The following ELOVL2 variants were observed in gnomAD, a reference collection of about 807,000 sequenced individuals.
ELOVL2 encodes very long chain fatty acid elongase 2.
A neutral mutation model predicts 37.7 loss-of-function variants in ELOVL2; 38 were observed. The observed-to-expected ratio is 1.01, with a 90% CI of 0.78 to 1.32. The LOEUF is 1.32. Among genes scored for constraint, ELOVL2 ranks in the 40% most tolerant of loss-of-function variants. The pLI is 0.00. For missense variants in ELOVL2, 352 were observed against 363.6 expected (o/e 0.97, Z 0.26); for synonymous variants, 115 against 122.3 (o/e 0.94, Z 0.40).
At chr6:10,991,216 C>G (rs1395004192) in intron 5 of ELOVL2, among the ~76,000 whole-genome samples, 1 of 152,190 alleles carries the variant, frequency 6.6e-6, no homozygotes, top group Non-Finnish European at 1.5e-5. Context: ...AGGTGAGATG[C>G]CACAGATGCA....
intron 7 of ELOVL2, among the ~76,000 whole-genome samples, chr6:10,985,466 G>GTTTTCTTCTATGA (rs1554110261): frequency 1.5e-5 from 1 of 64,768 alleles, no homozygotes; most frequent in African/African-American, 1.1e-4. Context: ...TAATGCCTAG[G>GTTTTCTTCTATGA]TTTTTATGGT....
Position 11,010,825 on chromosome 6 carries a change from A to G in ELOVL2, c.4-16T>C. Reference sequence around the variant, plus strand: ...TTAGATGTTCCTAAAAAGAGAAAGAAAAAATGATTTAAGTGTTTTTTTCTT... The same window carrying G: ...TTAGATGTTCCTAAAAAGAGAAAGAGAAAATGATTTAAGTGTTTTTTTCTT... On this transcript the variant is annotated splice_polypyrimidine_tract_variant and intron_variant, in intron 1 of 7. Coordinates refer to ENST00000354666, the MANE Select transcript of ELOVL2 (RefSeq NM_017770.4). The G allele has an allele frequency of 6.3e-7, 1 of 1,593,360 alleles. No individual in the cohort carries two copies. Among genetic ancestry groups the G allele is most frequent in the Non-Finnish European group, 8.5e-7 (1 of 1,170,384 alleles).
chr6:10,989,640 CAAAAA>C, intron 7 of ELOVL2, 58 bp downstream of exon 7: 1 of 1,360,542 alleles, frequency 7.4e-7, no homozygotes, highest in Non-Finnish European at 1.0e-6. Flanking sequence ...ACTCTGTCTC[CAAAAA>C]AAAAAAAATA....
At chr6:11,025,635 C>T (rs1012590965) in intron 1 of ELOVL2, among the ~76,000 whole-genome samples, 20 of 152,170 alleles carry the variant, frequency 1.3e-4, no homozygotes, top group Admixed American at 1.3e-3. Flanking sequence ...TAGAAAAGCA[C>T]ACCCATTCAA....
Position 10,983,555 on chromosome 6 carries a change from G to A in ELOVL2, c.*226C>T. The A allele has an allele frequency of 2.7e-6, 1 of 373,578 alleles. No homozygotes were observed. Among genetic ancestry groups the A allele is most frequent in the Non-Finnish European group, 4.7e-6 (1 of 212,060 alleles). The allele number at this position is 373,578 out of a possible 1,614,324, so 23.1% of individuals were successfully genotyped here. Reference sequence around the variant, plus strand: ...TGTGGGAGGGAGGGAGAGAGAAGCTGCACCAGTTCTGAGGTCCTCGGAGGT... The same window carrying A: ...TGTGGGAGGGAGGGAGAGAGAAGCTACACCAGTTCTGAGGTCCTCGGAGGT... On this transcript the variant is annotated 3_prime_UTR_variant, in exon 8 of 8. Transcript: ENST00000354666.
rs747344976 is a variant in ELOVL2 at position 10,989,698 on chromosome 6, C to T, written c.765+5G>A. 1.6e-5 allele frequency: 26 copies of T among 1,612,498 alleles called. No homozygotes were observed. The highest frequency in any genetic ancestry group is 2.2e-5 in the East Asian group (1 of 44,844). On this transcript the variant is annotated splice_donor_5th_base_variant and intron_variant, in intron 7 of 7. Transcript: ENST00000354666. Reference sequence around the variant, plus strand: ...TTTACTGCTGAATATTTACATTCCACGTACCTGAACGTAAAAATTTAAGAA... The same window carrying T: ...TTTACTGCTGAATATTTACATTCCATGTACCTGAACGTAAAAATTTAAGAA...
chr6:11,043,718 A>G lies in ELOVL2; in HGVS notation c.3+510T>C, dbSNP rs566685982. On this transcript the variant is annotated intron_variant, in intron 1 of 7. Coordinates refer to ENST00000354666, the MANE Select transcript of ELOVL2 (RefSeq NM_017770.4). ...GCGGTGAAGGGAGGAGAGGGGCAAGAGCTTGACCGTTAGGGCCCGAACCCC... is the reference window on the plus strand; with the variant it reads ...GCGGTGAAGGGAGGAGAGGGGCAAGGGCTTGACCGTTAGGGCCCGAACCCC... 92 of 155,064 alleles carry G rather than the reference A, an allele frequency of 5.9e-4. 1 individual carries two copies. The highest frequency in any genetic ancestry group is 2.0e-3 in the African/African-American group (85 of 41,580). The allele number at this position is 155,064 out of a possible 1,614,324, so 9.6% of individuals were successfully genotyped here. A position where few individuals can be genotyped will look rare whatever the true frequency, so the allele number is the denominator to read the frequency against.
chr6:10,984,637 T>A (rs1334947696), intron 7 of ELOVL2, among the ~76,000 whole-genome samples: 1 of 150,640 alleles, frequency 6.6e-6, no homozygotes, highest in Non-Finnish European at 1.5e-5. Flanking sequence ...TGCGATAGTT[T>A]ACTGAGAATG....
intron 3 of ELOVL2, among the ~76,000 whole-genome samples, chr6:11,000,382 T>C (rs1782360844): frequency 6.6e-6 from 1 of 152,210 alleles, no homozygotes; most frequent in Non-Finnish European, 1.5e-5. Context: ...AATTAACATA[T>C]GTTACCTCTA....
In ELOVL2 at chr6:11,019,018, G is replaced by A. The variant is rs530116518; in HGVS notation, c.4-8209C>T. 2.0e-5 allele frequency among the ~76,000 whole-genome samples: 3 copies of A among 152,178 alleles called. No homozygotes were observed. In the East Asian group the frequency reaches 5.8e-4, roughly 29 times the overall value. On this transcript the variant is annotated intron_variant, in intron 1 of 7. Transcript: ENST00000354666. ...TAGTATTCTGAAAGTGGCCTGCTTA[G>A]GGAAGGGTACAAAGAGGTTTGTGCC...
intron 1 of ELOVL2, among the ~76,000 whole-genome samples, chr6:11,018,579 T>G (rs1321536): frequency 0.55 from 83,345 of 152,034 alleles, 24,083 homozygotes; most frequent in East Asian, 0.91. Flanking sequence ...TCTTGTTAAC[T>G]TACAGGTTCT....
chr6:10,981,681 A>G lies in ELOVL2; in HGVS notation c.*2100T>C, dbSNP rs1781936563. 1 of 152,286 alleles carries G rather than the reference A, an allele frequency of 6.6e-6. No individual in the cohort carries two copies. Among genetic ancestry groups the G allele is most frequent in the African/African-American group, 2.4e-5 (1 of 41,466 alleles). 9.4% of individuals were successfully genotyped at this position (152,286 alleles called of 1,614,324 possible). A position where few individuals can be genotyped will look rare whatever the true frequency, so the allele number is the denominator to read the frequency against. On this transcript the variant is annotated 3_prime_UTR_variant, in exon 8 of 8. Transcript: ENST00000354666. ...TGCCATACAGATATGAAGCCCAGGA[A>G]AACATCCAGAGTGGCAGGTATGCTA...
At chr6:11,043,846 G>T (rs1783157014) in intron 1 of ELOVL2, 1 of 186,558 alleles carries the variant, frequency 5.4e-6, no homozygotes, top group East Asian at 1.3e-4. Flanking sequence ...CCGGAGGGTC[G>T]GAGGGTGGGC....
At chr6:11,018,987 T>C (rs1464385101) in intron 1 of ELOVL2, among the ~76,000 whole-genome samples, 1 of 152,186 alleles carries the variant, frequency 6.6e-6, no homozygotes, top group African/African-American at 2.4e-5. Flanking sequence ...TTCCTGTACC[T>C]GAATATAGTA....
At chr6:11,000,234 C>T (rs949054273) in intron 3 of ELOVL2, 70 bp from the exon 4 acceptor site, 4 of 1,388,524 alleles carry the variant, frequency 2.9e-6, no homozygotes, top group Non-Finnish European at 4.1e-6. Context: ...CTGAATTTCC[C>T]ATTCATGTCT....
Position 11,014,261 on chromosome 6 carries a change from G to A in ELOVL2, c.4-3452C>T, listed in dbSNP as rs1782634410. ...TTTCCACCCCCAGGTATCCATCCAA[G>A]AGAAAAGAGGAGTTCGAAACCGGTT... is the stretch of plus-strand genomic sequence containing the variant. On this transcript the variant is annotated intron_variant, in intron 1 of 7. Coordinates refer to ENST00000354666, the MANE Select transcript of ELOVL2 (RefSeq NM_017770.4). Among the ~76,000 whole-genome samples, 6 of 152,060 alleles carry A rather than the reference G, an allele frequency of 3.9e-5. No individual in the cohort carries two copies. The South Asian group carries it at 1.2e-3, about 32-fold the overall frequency.
At chr6:11,003,225 T>C (rs1581867090) in intron 3 of ELOVL2, among the ~76,000 whole-genome samples, 1 of 152,188 alleles carries the variant, frequency 6.6e-6, no homozygotes, top group East Asian at 1.9e-4. Context: ...CCATGGTGGT[T>C]TGCTGCACCT....
At chr6:11,038,535 A>G (rs1358093630) in intron 1 of ELOVL2, among the ~76,000 whole-genome samples, 1 of 152,104 alleles carries the variant, frequency 6.6e-6, no homozygotes, top group African/African-American at 2.4e-5. Context: ...GCAAATCCAT[A>G]TATCATAGCT....
At chr6:11,037,340 C>A (rs1783027091) in intron 1 of ELOVL2, among the ~76,000 whole-genome samples, 1 of 152,110 alleles carries the variant, frequency 6.6e-6, no homozygotes, top group Admixed American at 6.5e-5. Flanking sequence ...AAAAAAGGCT[C>A]CTCCCCATTG....
Sources: allele counts gnomAD v4.1 joint callset (sites outside exome capture counted in the v4.1 genomes callset), GRCh38; gene constraint gnomAD v4.1.1; transcripts MANE v1.5; gene names NCBI Gene and HGNC (gene_info 2026-07-23, HGNC 2026-07-21).